The following ODF2L variants were observed in gnomAD, a reference collection of about 807,000 sequenced individuals.
ODF2L encodes the protein outer dense fiber of sperm tails 2 like, also known as protein BCAP.
A neutral mutation model predicts 86.3 loss-of-function variants in ODF2L; 76 were observed. The ratio of observed to expected loss-of-function variants is 0.88; its 90% CI spans 0.73 to 1.07. The LOEUF (loss-of-function observed/expected upper bound fraction) is 1.07. Ranked by LOEUF, ODF2L falls within the 50% of genes least tolerant of loss-of-function variation. The probability of loss-of-function intolerance (pLI) is 0.00; values close to 1 mark genes in which losing one functional copy is unlikely to be tolerated. For missense variants in ODF2L, 748 were observed against 717.4 expected, an observed-to-expected ratio of 1.04 and a Z score of -0.49; for synonymous variants, 241 against 231.3, an observed-to-expected ratio of 1.04 and a Z score of -0.38.
rs1660810712 is a variant in ODF2L, at chr1:86,384,678, G to A, written c.370C>T (p.Gln124Ter). The change falls in exon 4 of 18, where the codon CAA (glutamine) becomes TAA (stop). Residue 124 changes from glutamine to a stop codon, truncating the protein, a stop_gained and splice_region_variant. Transcript: ENST00000317336. LOFTEE classifies it high-confidence loss of function. ...AGTGCTTAGTGTTGATGCCTTACTT[G>A]TTTGTAGTCTCTCTTTCTAAGAAGA... 6.8e-7 allele frequency: 1 copy of A among 1,466,592 alleles called. No homozygotes were observed. The highest frequency in any genetic ancestry group is 9.0e-7 in the Non-Finnish European group (1 of 1,106,838). The allele number at this position is 1,466,592 out of a possible 1,614,324, so 90.8% of individuals were successfully genotyped here. A position where few individuals can be genotyped will look rare whatever the true frequency, so the allele number is the denominator to read the frequency against.
chr1:86,372,600 T>G, intron 8 of ODF2L, 60 bp from the exon 9 acceptor site: 1 of 850,694 alleles, frequency 1.2e-6, no homozygotes, highest in Non-Finnish European at 1.7e-6. Context: ...TTTGTTCAGA[T>G]CTCTAAACAC....
At chr1:86,349,157 C>T (rs1307893434), downstream of ODF2L, 2 of 179,882 alleles carry the variant, frequency 1.1e-5, no homozygotes, top group African/African-American at 4.7e-5. Flanking sequence ...AGGTTAACAA[C>T]TGTCATAATT....
chr1:86,360,492 AT>A lies in ODF2L; in HGVS notation c.1187del (p.Asn396MetfsTer9). 6.2e-7 allele frequency: 1 copy of A among 1,603,834 alleles called. No individual in the cohort carries two copies. Among genetic ancestry groups the A allele is most frequent in the Non-Finnish European group, 8.5e-7 (1 of 1,172,840 alleles). On this transcript the variant is annotated frameshift_variant, in exon 12 of 18. Transcript: ENST00000317336. LOFTEE classifies it high-confidence loss of function. ...CTACTTCTTGCAATTCTGAGAGTTC[AT>A]TTTCAACAGATACAACTTCATCCTT...
At chr1:86,371,868 T>C (rs182915488) in intron 9 of ODF2L, among the ~76,000 whole-genome samples, 5 of 152,280 alleles carry the variant, frequency 3.3e-5, no homozygotes, top group East Asian at 3.9e-4. Flanking sequence ...TACTGAAATA[T>C]TGAATGATAA....
chr1:86,363,500 G>T (rs1659187744), intron 11 of ODF2L, among the ~76,000 whole-genome samples: 1 of 152,068 alleles, frequency 6.6e-6, no homozygotes, highest in Non-Finnish European at 1.5e-5. Flanking sequence ...TTTACTTATA[G>T]TAGACACATT....
intron 1 of ODF2L, among the ~76,000 whole-genome samples, chr1:86,392,409 A>G (rs1661397905): frequency 6.6e-6 from 1 of 152,168 alleles, no homozygotes; most frequent in Admixed American, 6.5e-5. Flanking sequence ...CACAATGTCC[A>G]TCAAACAATG....
chr1:86,356,368 G>C (rs1056961706), intron 14 of ODF2L, 76 bp downstream of exon 13: 7 of 1,190,254 alleles, frequency 5.9e-6, no homozygotes, highest in Non-Finnish European at 8.2e-6. Flanking sequence ...CCTGACATGA[G>C]TGCCCTCAAC....
intron 16 of ODF2L, 22 bp from the exon 16 acceptor site, chr1:86,353,006 T>C (rs535438084): frequency 2.1e-6 from 3 of 1,423,104 alleles, no homozygotes; most frequent in South Asian, 2.5e-5. Context: ...ATCAAAAGAG[T>C]AAAATAAAGT....
chr1:86,388,479 C>A (rs999904596), intron 1 of ODF2L, among the ~76,000 whole-genome samples: 1 of 151,948 alleles, frequency 6.6e-6, no homozygotes, highest in Non-Finnish European at 1.5e-5. Context: ...ATATTTGAAT[C>A]CTCAGCACCT....
rs922856981 is a variant in ODF2L, at chr1:86,352,068, G to A, written c.*123C>T. On this transcript the variant is annotated 3_prime_UTR_variant, in exon 18 of 18. Transcript: ENST00000317336. ...TTAAAGGTGATCGACGTTTTGTTCT[G>A]ACTAAGTTGTCATGAAACTTTTGAT... 3.4e-5 allele frequency: 47 copies of A among 1,365,228 alleles called. No individual in the cohort carries two copies. In the African/African-American group the frequency reaches 6.0e-4, roughly 17 times the overall value. 84.6% of individuals were successfully genotyped at this position (1,365,228 alleles called of 1,614,324 possible).
chr1:86,394,163 G>T (rs1191467258), intron 1 of ODF2L, among the ~76,000 whole-genome samples: 3 of 152,256 alleles, frequency 2.0e-5, no homozygotes, highest in South Asian at 2.1e-4. Context: ...TCTTAGAAGG[G>T]TTAAATAGCT....
intron 11 of ODF2L, among the ~76,000 whole-genome samples, chr1:86,367,841 T>C (rs1361702972): frequency 6.6e-6 from 1 of 152,096 alleles, no homozygotes; most frequent in African/African-American, 2.4e-5. Context: ...GAACAGAAAA[T>C]ATCCTTATTT....
intron 11 of ODF2L, among the ~76,000 whole-genome samples, chr1:86,364,161 TATA>T (rs1360522641): frequency 6.6e-6 from 1 of 151,874 alleles, no homozygotes; most frequent in Non-Finnish European, 1.5e-5. Flanking sequence ...AAAACTAGTT[TATA>T]ATATCTTTCT....
intron 9 of ODF2L, among the ~76,000 whole-genome samples, chr1:86,371,849 T>G (rs1659805009): frequency 6.6e-6 from 1 of 152,158 alleles, no homozygotes; most frequent in African/African-American, 2.4e-5. Context: ...CTACAAATAA[T>G]AGATGGCATA....
intron 14 of ODF2L, chr1:86,355,288 T>C (rs1658456886): frequency 6.1e-6 from 7 of 1,143,106 alleles, no homozygotes; most frequent in Non-Finnish European, 8.9e-6. Context: ...AAACTGTAAA[T>C]AAAATACATA....
At chr1:86,382,802 A>T (rs1570423393) in intron 6 of ODF2L, 129 bp downstream of exon 6, 1 of 633,916 alleles carries the variant, frequency 1.6e-6, no homozygotes, top group Admixed American at 3.2e-5. Flanking sequence ...CCTGTAAAAT[A>T]TCCAAATAAT....
chr1:86,357,654 C>A (rs1210270444), intron 13 of ODF2L: 1 of 509,416 alleles, frequency 2.0e-6, no homozygotes, highest in African/African-American at 2.1e-5. Flanking sequence ...ACTGAGGGAT[C>A]CAGAACAAAG....
intron 11 of ODF2L, among the ~76,000 whole-genome samples, chr1:86,365,662 A>G (rs1659353535): frequency 6.6e-6 from 1 of 152,210 alleles, no homozygotes. Flanking sequence ...TCAACTTAAT[A>G]AAAATAACAG....
At chr1:86,394,203 G>A (rs1661536720) in intron 1 of ODF2L, among the ~76,000 whole-genome samples, 2 of 152,102 alleles carry the variant, frequency 1.3e-5, no homozygotes, top group African/African-American at 4.8e-5. Context: ...GGAATTGGTG[G>A]AACTCAGTTT....
Sources: gnomAD v4.1 joint callset for allele counts (sites outside exome capture counted in the v4.1 genomes callset) on GRCh38, gnomAD v4.1.1 for gene constraint, MANE v1.5 for transcripts, NCBI Gene and HGNC (gene_info 2026-07-23, HGNC 2026-07-21) for gene names.